The following SYN3 variants were observed in gnomAD, a reference collection of about 807,000 sequenced individuals.
SYN3 encodes synapsin III.
A neutral mutation model predicts 65.8 loss-of-function variants in SYN3; 35 were observed. The observed-to-expected ratio is 0.53, with a 90% CI of 0.41 to 0.70. SYN3 has a LOEUF of 0.70. SYN3 is among the 30% of genes least tolerant of loss of function. The pLI, the probability that SYN3 is intolerant of heterozygous loss-of-function variation, is 0.00. For missense variants in SYN3, 680 were observed against 749.0 expected (o/e 0.91, Z 1.08); for synonymous variants, 270 against 292.9 (o/e 0.92, Z 0.80).
At chr22:32,830,406 C>T (rs899654872) in intron 6 of SYN3, among the ~76,000 whole-genome samples, 1 of 152,154 alleles carries the variant, frequency 6.6e-6, no homozygotes, top group African/African-American at 2.4e-5. Flanking sequence ...GCCCGACAGT[C>T]TATAGCTAGG....
chr22:32,831,011 A>G (rs555201247), intron 6 of SYN3, among the ~76,000 whole-genome samples: 64 of 152,308 alleles, frequency 4.2e-4, no homozygotes, highest in African/African-American at 1.5e-3. Flanking sequence ...CATGAAGGTA[A>G]AAATATTGAC....
intron 1 of SYN3, among the ~76,000 whole-genome samples, chr22:33,031,894 T>C (rs550972128): frequency 1.3e-5 from 2 of 152,058 alleles, no homozygotes; most frequent in East Asian, 1.9e-4. Context: ...TTAGGCACAA[T>C]GGACCAACAT....
chr22:32,962,818 A>G (rs2051697656), intron 3 of SYN3, among the ~76,000 whole-genome samples: 1 of 123,782 alleles, frequency 8.1e-6, no homozygotes, highest in Non-Finnish European at 1.5e-5. Context: ...CTATCTATCT[A>G]TCTATCTATC....
At chr22:32,822,314 G>C (rs2047273134) in intron 6 of SYN3, among the ~76,000 whole-genome samples, 1 of 152,150 alleles carries the variant, frequency 6.6e-6, no homozygotes, top group African/African-American at 2.4e-5. Flanking sequence ...TGCGTGGGAT[G>C]TGCTCCATGT....
At chr22:32,935,300 TCTCTCTCTCA>T (rs1460707373) in intron 3 of SYN3, among the ~76,000 whole-genome samples, 5 of 149,442 alleles carry the variant, frequency 3.3e-5, no homozygotes, top group African/African-American at 1.2e-4. Flanking sequence ...TCTCTCTCTC[TCTCTCTCTCA>T]CACACACACA....
At chr22:33,005,642 G>A (rs1279347138) in intron 2 of SYN3, among the ~76,000 whole-genome samples, 4 of 152,218 alleles carry the variant, frequency 2.6e-5, no homozygotes, top group Admixed American at 2.6e-4. Flanking sequence ...AGAAGAGGCT[G>A]GCAGTGGTCA....
chr22:32,737,151 T>C (rs2061345646), intron 6 of SYN3, among the ~76,000 whole-genome samples: 1 of 152,164 alleles, frequency 6.6e-6, no homozygotes, highest in African/African-American at 2.4e-5. Flanking sequence ...TATAGAACAG[T>C]CTTAATAGGT....
intron 7 of SYN3, among the ~76,000 whole-genome samples, chr22:32,543,981 T>A (rs769305071): frequency 6.6e-5 from 10 of 152,166 alleles, no homozygotes; most frequent in Non-Finnish European, 1.5e-4. Flanking sequence ...AATATGTTAC[T>A]CAAGCTGAGT....
intron 2 of SYN3, among the ~76,000 whole-genome samples, chr22:32,990,558 T>C (rs1221692473): frequency 1.3e-5 from 2 of 152,174 alleles, no homozygotes; most frequent in South Asian, 2.1e-4. Flanking sequence ...CTGTGCTACA[T>C]AGGCCCTTGA....
At chr22:32,599,260 T>C (rs777930191) in intron 6 of SYN3, among the ~76,000 whole-genome samples, 25 of 152,058 alleles carry the variant, frequency 1.6e-4, no homozygotes, top group Non-Finnish European at 2.8e-4. Flanking sequence ...TAAAGAGCAA[T>C]ATTACAGACA....
At chr22:32,869,367 T>TCTCTCTCTCTCACA (rs61464794) in intron 4 of SYN3, among the ~76,000 whole-genome samples, 60 of 142,470 alleles carry the variant, frequency 4.2e-4, no homozygotes, top group Non-Finnish European at 6.5e-4. Flanking sequence ...TCTCTCTCTC[T>TCTCTCTCTCTCACA]CACAGGCTCT....
At chr22:32,850,153 C>G (rs1015242812) in intron 6 of SYN3, among the ~76,000 whole-genome samples, 3 of 150,860 alleles carry the variant, frequency 2.0e-5, no homozygotes, top group African/African-American at 7.3e-5. Context: ...AAACATATTA[C>G]TGAGGATATG....
chr22:32,707,457 T>C (rs548977830), intron 6 of SYN3, among the ~76,000 whole-genome samples: 14 of 152,334 alleles, frequency 9.2e-5, no homozygotes, highest in Non-Finnish European at 1.8e-4. Context: ...GCTTGGATAC[T>C]CAGGGCCACT....
At chr22:32,960,198 T>C (rs1045015524) in intron 3 of SYN3, among the ~76,000 whole-genome samples, 1 of 152,126 alleles carries the variant, frequency 6.6e-6, no homozygotes, top group Non-Finnish European at 1.5e-5. Context: ...ACCAAAGAGC[T>C]TGCCTGGAGC....
intron 7 of SYN3, among the ~76,000 whole-genome samples, chr22:32,580,685 T>A (rs140961972): frequency 6.6e-6 from 1 of 152,304 alleles, no homozygotes; most frequent in Non-Finnish European, 1.5e-5. Flanking sequence ...AATTTCAGTG[T>A]CCATGAGTAG....
At chr22:32,536,383 T>G (rs12165523) in intron 9 of SYN3, among the ~76,000 whole-genome samples, 1 of 152,190 alleles carries the variant, frequency 6.6e-6, no homozygotes, top group East Asian at 1.9e-4. Context: ...CTGGATTAGG[T>G]GCAGCCCTCT....
At chr22:33,010,426 G>A (rs367886795) in intron 1 of SYN3, among the ~76,000 whole-genome samples, 1 of 152,146 alleles carries the variant, frequency 6.6e-6, no homozygotes, top group Non-Finnish European at 1.5e-5. Context: ...CACCATTTAT[G>A]AAAGTATTTT....
At chr22:32,863,668 C>T (rs2048609792) in intron 6 of SYN3, among the ~76,000 whole-genome samples, 1 of 152,176 alleles carries the variant, frequency 6.6e-6, no homozygotes, top group Admixed American at 6.5e-5. Flanking sequence ...AAAGCTACTC[C>T]TACTATATGC....
Position 32,508,791 on chromosome 22 carries a change from C to T in SYN3, c.*4901G>A, listed in dbSNP as rs141901085. Among the ~76,000 whole-genome samples the T allele has an allele frequency of 9.2e-5, 14 of 152,294 alleles. No individual in the cohort carries two copies. The highest frequency in any genetic ancestry group is 2.4e-4 in the African/African-American group (10 of 41,564). On this transcript the variant is annotated 3_prime_UTR_variant, in exon 14 of 14. Coordinates refer to ENST00000358763, the MANE Select transcript of SYN3 (RefSeq NM_003490.4). Reference sequence around the variant, plus strand: ...GGGCTGAGCTAAAACATGTCCTGAACACCTGCTGGGTGCCAAGCAATGTGC... The same window carrying T: ...GGGCTGAGCTAAAACATGTCCTGAATACCTGCTGGGTGCCAAGCAATGTGC...
Sources: gnomAD v4.1 joint callset for allele counts (sites outside exome capture counted in the v4.1 genomes callset) on GRCh38, gnomAD v4.1.1 for gene constraint, MANE v1.5 for transcripts, NCBI Gene and HGNC (gene_info 2026-07-23, HGNC 2026-07-21) for gene names.